The following CSGALNACT1 variants were observed in gnomAD, a reference collection of about 807,000 sequenced individuals.
CSGALNACT1 encodes beta4GalNAcT-1.
A neutral mutation model predicts 51.0 loss-of-function variants in CSGALNACT1; 52 were observed. The observed-to-expected ratio is 1.02, with a 90% confidence interval of 0.82 to 1.29. The LOEUF is 1.29. Among genes scored for constraint, CSGALNACT1 ranks in the 50% most tolerant of loss-of-function variants. The pLI is 0.00. For synonymous variants in CSGALNACT1, 341 were observed against 254.4 expected, an observed-to-expected ratio of 1.34 and a Z score of -3.24; for missense variants, 935 against 679.2, an observed-to-expected ratio of 1.38 and a Z score of -4.19.
chr8:19,641,128 C>CTTTTTTT (rs56681695), intron 1 of CSGALNACT1, among the ~76,000 whole-genome samples: 1 of 99,976 alleles, frequency 1.0e-5, no homozygotes, highest in Non-Finnish European at 1.9e-5. Context: ...GGTGACTGGT[C>CTTTTTTT]TTTTTTTTTT....
chr8:19,569,441 T>C (rs1213329616), intron 3 of CSGALNACT1, among the ~76,000 whole-genome samples: 1 of 152,198 alleles, frequency 6.6e-6, no homozygotes, highest in African/African-American at 2.4e-5. Flanking sequence ...ATAAAGCTTT[T>C]TGAACCCAGT....
intron 4 of CSGALNACT1, among the ~76,000 whole-genome samples, chr8:19,491,775 G>A (rs2074407289): frequency 1.3e-5 from 2 of 152,114 alleles, no homozygotes; most frequent in Admixed American, 1.3e-4. Flanking sequence ...TGTGTGTTTC[G>A]ATGTTGTGCA....
At chr8:19,474,702 T>C (rs10099313) in intron 4 of CSGALNACT1, among the ~76,000 whole-genome samples, 151,822 of 151,826 alleles carry the variant, frequency 1, 75,909 homozygotes, top group Non-Finnish European at 1. Context: ...AACCCCGTCT[T>C]TACTAAAAAT....
At chr8:19,559,755 T>C (rs2154094888) in intron 3 of CSGALNACT1, among the ~76,000 whole-genome samples, 1 of 152,256 alleles carries the variant, frequency 6.6e-6, no homozygotes, top group South Asian at 2.1e-4. Flanking sequence ...CAGAAACCTC[T>C]GAGGAAGAAA....
At position 19,601,885 on chromosome 8, in the gene CSGALNACT1, A is replaced by G; in HGVS notation, c.-510-20T>C. 2.2e-6 allele frequency: 1 copy of G among 453,994 alleles called. No individual in the cohort carries two copies. Among genetic ancestry groups the G allele is most frequent in the Non-Finnish European group, 4.4e-6 (1 of 226,770 alleles). 28.1% of individuals were successfully genotyped at this position (453,994 alleles called of 1,614,324 possible). A position where few individuals can be genotyped will look rare whatever the true frequency, so the allele number is the denominator to read the frequency against. Reference sequence around the variant, plus strand: ...AGGCAGCTAAAATAAAATAAAAACAAAAGGCAACCCTTGTAAATTTCCATG... The same window carrying G: ...AGGCAGCTAAAATAAAATAAAAACAGAAGGCAACCCTTGTAAATTTCCATG... On this transcript the variant is annotated intron_variant, in intron 1 of 9. Transcript: ENST00000454498.
At chr8:19,485,278 C>T (rs2072593338) in intron 4 of CSGALNACT1, among the ~76,000 whole-genome samples, 1 of 152,122 alleles carries the variant, frequency 6.6e-6, no homozygotes, top group Non-Finnish European at 1.5e-5. Context: ...CTAAGTCATC[C>T]CCGACTCTTC....
At chr8:19,680,427 G>C (rs912772105) in intron 1 of CSGALNACT1, among the ~76,000 whole-genome samples, 2 of 151,868 alleles carry the variant, frequency 1.3e-5, no homozygotes, top group African/African-American at 4.8e-5. Context: ...GTGGTGGCGG[G>C]TGCCTGTAAT....
intron 4 of CSGALNACT1, among the ~76,000 whole-genome samples, chr8:19,476,109 TAAA>T (rs1267063282): frequency 6.6e-6 from 1 of 152,200 alleles, no homozygotes. Flanking sequence ...CTCTAAAGAA[TAAA>T]AACAATTGAA....
intron 3 of CSGALNACT1, among the ~76,000 whole-genome samples, chr8:19,532,186 T>C (rs1323548374): frequency 1.4e-5 from 2 of 147,940 alleles, no homozygotes; most frequent in Non-Finnish European, 3.0e-5. Flanking sequence ...AAAAAAAACA[T>C]GTTTGTTTGC....
chr8:19,467,687 C>T (rs7837315), intron 4 of CSGALNACT1, among the ~76,000 whole-genome samples: 25,807 of 151,532 alleles, frequency 0.17, 2,432 homozygotes, highest in African/African-American at 0.24. Flanking sequence ...TATTCTATAT[C>T]AGAGATATAA....
intron 1 of CSGALNACT1, among the ~76,000 whole-genome samples, chr8:19,633,971 C>G (rs1399257792): frequency 6.6e-6 from 1 of 152,084 alleles, no homozygotes; most frequent in Non-Finnish European, 1.5e-5. Flanking sequence ...TCGTGCCTTC[C>G]TACTTTCACT....
intron 1 of CSGALNACT1, among the ~76,000 whole-genome samples, chr8:19,651,736 T>A (rs1315564053): frequency 6.6e-6 from 1 of 152,238 alleles, no homozygotes; most frequent in Non-Finnish European, 1.5e-5. Context: ...CATATGCATG[T>A]GCATTTATGG....
intron 6 of CSGALNACT1, among the ~76,000 whole-genome samples, chr8:19,438,882 C>T (rs1012945011): frequency 2.4e-4 from 36 of 152,216 alleles, no homozygotes; most frequent in African/African-American, 8.0e-4. Context: ...AAAAAGTACA[C>T]TCAGTCTTAG....
chr8:19,528,531 C>T, intron 3 of CSGALNACT1, among the ~76,000 whole-genome samples: 1 of 152,140 alleles, frequency 6.6e-6, no homozygotes, highest in East Asian at 1.9e-4. Flanking sequence ...CTAATTACAA[C>T]TTTATCCTCA....
chr8:19,716,457 G>A (rs993019110), intron 1 of CSGALNACT1, among the ~76,000 whole-genome samples: 2 of 151,540 alleles, frequency 1.3e-5, no homozygotes, highest in Admixed American at 1.3e-4. Flanking sequence ...TGATAATACA[G>A]TACAAACTTT....
chr8:19,542,088 C>A (rs1333440892), intron 3 of CSGALNACT1, among the ~76,000 whole-genome samples: 1 of 151,930 alleles, frequency 6.6e-6, no homozygotes, highest in Non-Finnish European at 1.5e-5. Flanking sequence ...TTGATGGAAG[C>A]AAAAAGAATA....
At chr8:19,431,332 G>T (rs1193768346) in intron 6 of CSGALNACT1, among the ~76,000 whole-genome samples, 1 of 152,058 alleles carries the variant, frequency 6.6e-6, no homozygotes, top group Non-Finnish European at 1.5e-5. Context: ...TTAGGTTAAA[G>T]AAGTTCTCTT....
intron 1 of CSGALNACT1, among the ~76,000 whole-genome samples, chr8:19,688,219 G>C (rs192189897): frequency 6.6e-6 from 1 of 152,100 alleles, no homozygotes; most frequent in Non-Finnish European, 1.5e-5. Flanking sequence ...TTCCTCAATG[G>C]GTAATTTAGG....
chr8:19,722,333 G>A (rs2063172109), intron 1 of CSGALNACT1, among the ~76,000 whole-genome samples: 1 of 152,082 alleles, frequency 6.6e-6, no homozygotes, highest in Non-Finnish European at 1.5e-5. Flanking sequence ...TTAGCTTTTT[G>A]CAATGTTTTA....
Sources: gnomAD v4.1 joint callset for allele counts (sites outside exome capture counted in the v4.1 genomes callset) on GRCh38, gnomAD v4.1.1 for gene constraint, MANE v1.5 for transcripts, NCBI Gene and HGNC (gene_info 2026-07-23, HGNC 2026-07-21) for gene names.